The following INTS11 variants were observed in gnomAD, a reference collection of about 807,000 sequenced individuals.
The protein encoded by INTS11 is CPSF3-like protein.
Under a neutral mutation model 78.6 loss-of-function variants are expected in INTS11, and 77 were observed. The ratio of observed to expected loss-of-function variants is 0.98; its 90% CI spans 0.81 to 1.18. The LOEUF (loss-of-function observed/expected upper bound fraction) is 1.18, where lower values mean the gene tolerates loss of function less well. INTS11 is among the 50% of genes most tolerant of loss of function. The pLI is 0.00. For synonymous variants in INTS11, 441 were observed against 326.9 expected (o/e 1.35, Z -3.77); for missense variants, 875 against 825.9 (o/e 1.06, Z -0.73).
At chr1:1,319,236 G>C (rs1452806976) in intron 4 of INTS11, 60 bp downstream of exon 4, 2 of 1,374,870 alleles carry the variant, frequency 1.5e-6, no homozygotes, top group Non-Finnish European at 2.1e-6. Flanking sequence ...AACGGGCGGA[G>C]GGCATGGTTG....
chr1:1,313,185 C>T, intron 10 of INTS11, 61 bp from the exon 11 acceptor site: 1 of 1,526,002 alleles, frequency 6.6e-7, no homozygotes, highest in East Asian at 2.4e-5. Context: ...CAAGGCCTTG[C>T]CCGGGATGCC....
intron 6 of INTS11, 28 bp downstream of exon 6, chr1:1,315,376 G>A: frequency 1.9e-6 from 3 of 1,613,042 alleles, no homozygotes; most frequent in Non-Finnish European, 2.5e-6. Context: ...GGGGCCCACG[G>A]GACAAAAAGA....
chr1:1,315,642 A>G (rs755589323), intron 4 of INTS11, 24 bp from the exon 5 acceptor site: 1 of 1,507,354 alleles, frequency 6.6e-7, no homozygotes, highest in East Asian at 2.6e-5. Flanking sequence ...GGCTGCGCTC[A>G]GGCTGTGTCC....
At chr1:1,319,597 T>C (rs2100619647) in intron 3 of INTS11, 73 bp from the exon 4 acceptor site, 2 of 1,075,036 alleles carry the variant, frequency 1.9e-6, no homozygotes, top group Non-Finnish European at 2.7e-6. Flanking sequence ...GGCTTGTGGG[T>C]CACTGGCCCC....
At position 1,313,722 on chromosome 1, in the gene INTS11, C is replaced by T. The variant is rs1299969013; in HGVS notation, c.957+10G>A. 7.4e-6 allele frequency: 12 copies of T among 1,610,818 alleles called. No homozygotes were observed. Among genetic ancestry groups the T allele is most frequent in the African/African-American group, 4.0e-5 (3 of 74,914 alleles). On this transcript the variant is annotated intron_variant, in intron 9 of 16. Coordinates refer to ENST00000435064, the MANE Select transcript of INTS11 (RefSeq NM_017871.6). The stretch of plus-strand genomic sequence containing the variant: ...GTGGATGTGCTGGCCGGCCCTGCCG[C>T]GGGCCTCACCATCGGTCCTGGGTTG...
chr1:1,313,616 G>A (rs747488263), intron 9 of INTS11, 24 bp from the exon 10 acceptor site: 26 of 1,612,140 alleles, frequency 1.6e-5, no homozygotes, highest in East Asian at 2.2e-5. Flanking sequence ...AGGGCCAGGT[G>A]GGGGGTCAGG....
chr1:1,320,427 G>A, intron 3 of INTS11, 29 bp downstream of exon 3: 1 of 1,609,028 alleles, frequency 6.2e-7, no homozygotes, highest in Non-Finnish European at 8.5e-7. Flanking sequence ...ACAGACATGG[G>A]ACCCTCAAGG....
In INTS11 at chr1:1,319,394, C is replaced by A; in HGVS notation, c.331G>T (p.Ala111Ser). Residue 111 changes from alanine (A) to serine (S), a missense_variant, in exon 4 of 17, where the codon GCC becomes TCC. By Grantham distance (99) the Ala-to-Ser change is moderately conservative. Coordinates refer to ENST00000435064, the MANE Select transcript of INTS11 (RefSeq NM_017871.6). ...PILLEDYRKI[A>S]VDKKGEANFF... ...TTGGCCTCGCCCTTCTTGTCTACGG[C>A]GATCTTGCGGTAGTCCTCCAGCAAG... 6.2e-7 allele frequency: 1 copy of A among 1,613,396 alleles called. No homozygotes were observed. Among genetic ancestry groups the A allele is most frequent in the Non-Finnish European group, 8.5e-7 (1 of 1,180,012 alleles).
Position 1,313,134 on chromosome 1 carries a change from G to C in INTS11, c.1042-10C>G, listed in dbSNP as rs376193505. 1.3e-5 allele frequency: 21 copies of C among 1,603,234 alleles called. No homozygotes were observed. The highest frequency in any genetic ancestry group is 1.7e-5 in the Non-Finnish European group (20 of 1,178,348). ...AGCCGGGCATGATGACCTGGGGGCAGGCACAGAGCTCACAGCCAGGGAACT... is the reference window on the plus strand; with the variant it reads ...AGCCGGGCATGATGACCTGGGGGCACGCACAGAGCTCACAGCCAGGGAACT... On this transcript the variant is annotated splice_polypyrimidine_tract_variant and intron_variant, in intron 10 of 16. Coordinates refer to ENST00000435064, the MANE Select transcript of INTS11 (RefSeq NM_017871.6).
intron 1 of INTS11, chr1:1,321,808 G>C: frequency 1.1e-6 from 1 of 886,572 alleles, no homozygotes; most frequent in Non-Finnish European, 1.6e-6. Context: ...CCCTCATGTG[G>C]CCTGGGGGCC....
intron 15 of INTS11, 33 bp downstream of exon 15, chr1:1,312,193 G>A (rs1159395812): frequency 1.4e-6 from 2 of 1,389,020 alleles, no homozygotes; most frequent in South Asian, 1.3e-5. Context: ...CAGGGCCCAA[G>A]GGAGTGGGGG....
chr1:1,319,256 T>A, intron 4 of INTS11, 40 bp downstream of exon 4: 1 of 1,509,642 alleles, frequency 6.6e-7, no homozygotes, highest in Non-Finnish European at 9.2e-7. Context: ...GGTGTGGGGG[T>A]GGGCAGTGAC....
At chr1:1,319,937 C>G (rs902042725) in intron 3 of INTS11, 5 of 213,338 alleles carry the variant, frequency 2.3e-5, no homozygotes, top group Non-Finnish European at 4.7e-5. Flanking sequence ...GAGAAGAAAC[C>G]ACAACCACGA....
intron 9 of INTS11, 60 bp from the exon 10 acceptor site, chr1:1,313,652 C>T (rs1642386974): frequency 6.2e-7 from 1 of 1,611,098 alleles, no homozygotes; most frequent in South Asian, 1.1e-5. Flanking sequence ...ACCCCCACTG[C>T]AGGCCCAAGC....
rs767484459 is a variant in INTS11, at chr1:1,314,690, C to T, written c.702+134G>A. On this transcript the variant is annotated intron_variant, in intron 7 of 16. Coordinates refer to ENST00000435064, the MANE Select transcript of INTS11 (RefSeq NM_017871.6). The surrounding 1 kb of genome is among the most constrained non-coding windows in gnomAD (Gnocchi z 4.2). Reference sequence around the variant, plus strand: ...TTTTCCTCCTCAATGTTGAGCAAATCTTCTTCCCTCCCTGCCTGAAAATGC... The same window carrying T: ...TTTTCCTCCTCAATGTTGAGCAAATTTTCTTCCCTCCCTGCCTGAAAATGC... 72 of 1,125,122 alleles carry T rather than the reference C, an allele frequency of 6.4e-5. No homozygotes were observed. The highest frequency in any genetic ancestry group is 8.9e-5 in the Non-Finnish European group (70 of 783,342). The allele number at this position is 1,125,122 out of a possible 1,614,324, so 69.7% of individuals were successfully genotyped here.
Position 1,311,913 on chromosome 1 carries a change from C to T in INTS11, c.1749G>A (p.Leu583=), listed in dbSNP as rs1262330155. The T allele has an allele frequency of 1.3e-6, 2 of 1,575,730 alleles. No individual in the cohort carries two copies. Among genetic ancestry groups the T allele is most frequent in the Non-Finnish European group, 1.7e-6 (2 of 1,159,660 alleles). Residue 583 remains leucine, a synonymous_variant, in exon 17 of 17, where the codon CTG becomes CTA. Transcript: ENST00000435064. The part of the protein sequence containing the change: ...LVSWTYQDEE[L]GSFLTSLLKK... ...TCAGCAGAGATGTGAGGAAGCTCCCCAGCTCCTCGTCCTAGGGCAGAGGCA... is the reference window on the plus strand; with the variant it reads ...TCAGCAGAGATGTGAGGAAGCTCCCTAGCTCCTCGTCCTAGGGCAGAGGCA...
intron 10 of INTS11, 46 bp from the exon 11 acceptor site, chr1:1,313,170 C>T: frequency 6.4e-7 from 1 of 1,566,326 alleles, no homozygotes. Context: ...CCAGCCTTGG[C>T]ACCTCAAGGC....
Position 1,315,528 on chromosome 1 carries a change from CCA to C in INTS11, c.518_519del (p.Val173GlyfsTer5), listed in dbSNP as rs752428615. 1.1e-5 allele frequency: 17 copies of C among 1,612,694 alleles called. No individual in the cohort carries two copies. Among genetic ancestry groups the C allele is most frequent in the Admixed American group, 3.3e-5 (2 of 59,888 alleles). ...CAAGCCCTTCCACTGACCGTGTAGA[CCA>C]CAGACTCTGAGCCCACTTTAATCTG... ...MFQIKVGSES[V>X]VYTGDYNMTP... On this transcript the variant is annotated frameshift_variant, in exon 5 of 17. Transcript: ENST00000435064. LOFTEE classifies it high-confidence loss of function.
rs1231689769 is a variant in INTS11 at position 1,314,931 on chromosome 1, G to A, written c.595C>T (p.Leu199=). Residue 199 remains leucine, a synonymous_variant, in exon 7 of 17, where the codon CTG becomes TTG. Transcript: ENST00000435064. The surrounding 1 kb of genome is among the most constrained non-coding windows in gnomAD (Gnocchi z 4.2). ...GCGTACGTGGACTCTGTGATGAGCA[G>A]GTTGGGGCGGCACTTGTCAATCCAG... ...AAWIDKCRPN[L]LITESTYATT... 5 of 1,612,914 alleles carry A rather than the reference G, an allele frequency of 3.1e-6. No individual in the cohort carries two copies. The highest frequency in any genetic ancestry group is 4.2e-6 in the Non-Finnish European group (5 of 1,179,902).
Sources: gnomAD v4.1 joint callset for allele counts on GRCh38, gnomAD v4.1.1 for gene constraint, Gnocchi (gnomAD v3.1) non-coding constraint, MANE v1.5 for transcripts, NCBI Gene and HGNC (gene_info 2026-07-23, HGNC 2026-07-21) for gene names.